The following LRRC4C variants were observed in gnomAD, a reference collection of about 807,000 sequenced individuals.
LRRC4C encodes the protein leucine-rich repeat-containing protein 4C.
A neutral mutation model predicts 33.6 loss-of-function variants in LRRC4C; 5 were observed. The ratio of observed to expected loss-of-function variants is 0.15; its 90% confidence interval spans 0.08 to 0.31. The LOEUF is 0.31. Ranked by LOEUF, LRRC4C falls within the 10% of genes least tolerant of loss-of-function variation. The probability of loss-of-function intolerance (pLI) is 1.00; values close to 1 mark genes in which losing one functional copy is unlikely to be tolerated. For synonymous variants in LRRC4C, 329 were observed against 302.0 expected, an observed-to-expected ratio of 1.09 and a Z score of -0.93; for missense variants, 560 against 796.7, an observed-to-expected ratio of 0.70 and a Z score of 3.58.
chr11:40,761,795 C>T (rs764528692), intron 2 of LRRC4C, among the ~76,000 whole-genome samples: 3 of 152,154 alleles, frequency 2.0e-5, no homozygotes, highest in Non-Finnish European at 2.9e-5. Flanking sequence ...AACAGTACTG[C>T]GGTTCTGTCT....
intron 1 of LRRC4C, among the ~76,000 whole-genome samples, chr11:40,964,933 G>A (rs1409484268): frequency 6.6e-6 from 1 of 152,070 alleles, no homozygotes; most frequent in Non-Finnish European, 1.5e-5. Context: ...CTAGATCCCT[G>A]AGGAATCACC....
chr11:40,564,458 A>C (rs533342079), intron 3 of LRRC4C, among the ~76,000 whole-genome samples: 1 of 152,116 alleles, frequency 6.6e-6, no homozygotes, highest in Non-Finnish European at 1.5e-5. Context: ...GAGCACCCAA[A>C]TTACCAAGAG....
At chr11:40,832,238 A>G (rs771653669) in intron 2 of LRRC4C, among the ~76,000 whole-genome samples, 33 of 152,170 alleles carry the variant, frequency 2.2e-4, no homozygotes, top group Non-Finnish European at 4.3e-4. Context: ...AAAAAGATAC[A>G]GTAAAAATAC....
intron 1 of LRRC4C, among the ~76,000 whole-genome samples, chr11:41,404,041 G>A (rs537183859): frequency 3.4e-4 from 51 of 152,198 alleles, no homozygotes; most frequent in African/African-American, 1.1e-3. Context: ...ATAAAACACA[G>A]TTGAGAAGTA....
chr11:41,089,729 TTTTA>T (rs1940266339), intron 1 of LRRC4C, among the ~76,000 whole-genome samples: 4 of 152,108 alleles, frequency 2.6e-5, no homozygotes, highest in African/African-American at 9.7e-5. Context: ...GGTGATGTAT[TTTTA>T]GCTATTTCTT....
intron 3 of LRRC4C, among the ~76,000 whole-genome samples, chr11:40,451,365 ACTTTTTTTTTTTT>A: frequency 1.4e-5 from 1 of 71,246 alleles, no homozygotes; most frequent in Non-Finnish European, 2.9e-5. Context: ...AGAAATAATG[ACTTTTTTTTTTTT>A]TTTTTTTTTT....
intron 1 of LRRC4C, among the ~76,000 whole-genome samples, chr11:41,214,774 T>TAC (rs1555112919): frequency 4.9e-5 from 7 of 143,388 alleles, no homozygotes; most frequent in African/African-American, 1.1e-4. Flanking sequence ...TATATATATA[T>TAC]ACACACATAT....
intron 1 of LRRC4C, among the ~76,000 whole-genome samples, chr11:41,003,023 T>C (rs1854494865): frequency 6.6e-6 from 1 of 152,162 alleles, no homozygotes; most frequent in African/African-American, 2.4e-5. Context: ...ATAGTTATCA[T>C]AGTTAAATAT....
At chr11:40,984,893 C>CTATTTTTTTTTTTTTTCTT (rs1852880125) in intron 1 of LRRC4C, among the ~76,000 whole-genome samples, 1 of 52,246 alleles carries the variant, frequency 1.9e-5, no homozygotes, top group South Asian at 8.4e-4. Context: ...CTCACTGACA[C>CTATTTTTTTTTTTTTTCTT]TTTTTTTTTT....
chr11:41,184,973 C>G (rs1312546997), intron 1 of LRRC4C, among the ~76,000 whole-genome samples: 2 of 152,022 alleles, frequency 1.3e-5, no homozygotes, highest in Admixed American at 6.6e-5. Flanking sequence ...GGGAAACTAC[C>G]ATTTTTTAAA....
chr11:40,384,982 TG>T (rs1393309688), intron 3 of LRRC4C, among the ~76,000 whole-genome samples: 8 of 152,232 alleles, frequency 5.3e-5, no homozygotes, highest in Non-Finnish European at 1.2e-4. Context: ...TGCATATTTT[TG>T]TATTGTTTTG....
intron 5 of LRRC4C, among the ~76,000 whole-genome samples, chr11:40,169,299 A>C (rs1859850468): frequency 6.6e-6 from 1 of 152,176 alleles, no homozygotes; most frequent in Non-Finnish European, 1.5e-5. Flanking sequence ...TTTCAACATT[A>C]TTCTATCAGG....
intron 1 of LRRC4C, among the ~76,000 whole-genome samples, chr11:41,434,878 C>G (rs1955373301): frequency 6.6e-6 from 1 of 152,160 alleles, no homozygotes; most frequent in Admixed American, 6.6e-5. Context: ...AATACTCTTT[C>G]TATTCTTGCC....
chr11:40,631,023 C>T (rs570111993), intron 3 of LRRC4C, among the ~76,000 whole-genome samples: 1 of 152,040 alleles, frequency 6.6e-6, no homozygotes, highest in Non-Finnish European at 1.5e-5. Context: ...TCAAAGTTAG[C>T]CCTTTTAAAA....
In LRRC4C at chr11:40,906,525, GACAA is replaced by G. The variant is rs113656683; in HGVS notation, c.-407+27106_-407+27109del. Among the ~76,000 whole-genome samples, 771 of 152,016 alleles carry G rather than the reference GACAA, an allele frequency of 5.1e-3. 3 individuals carry two copies. The highest frequency in any genetic ancestry group is 8.7e-3 in the Non-Finnish European group (590 of 67,952). The stretch of plus-strand genomic sequence containing the variant: ...GACTCCATCTCAAAACAAACAAACA[GACAA>G]ACAAACAAACAAACAAACCTACATA... On this transcript the variant is annotated intron_variant, in intron 2 of 6. Coordinates refer to ENST00000528697, the MANE Select transcript of LRRC4C (RefSeq NM_001258419.2).
intron 1 of LRRC4C, among the ~76,000 whole-genome samples, chr11:41,111,430 C>T (rs1481616053): frequency 1.3e-5 from 2 of 152,004 alleles, no homozygotes; most frequent in East Asian, 1.9e-4. Flanking sequence ...TCATAACCAC[C>T]GCTCTGTACT....
In LRRC4C at chr11:41,266,179, A is replaced by G. The variant is rs571863664; in HGVS notation, c.-496+193252T>C. 1.3e-4 allele frequency among the ~76,000 whole-genome samples: 20 copies of G among 152,228 alleles called. No individual in the cohort carries two copies. In the Middle Eastern group the frequency reaches 0.01, roughly 78 times the overall value. On this transcript the variant is annotated intron_variant, in intron 1 of 6. Coordinates refer to ENST00000528697, the MANE Select transcript of LRRC4C (RefSeq NM_001258419.2). ...CCAACAATGAAGAAATAAATGATAT[A>G]AATAGACTTAGAACATGGAAATTTG...
chr11:41,059,730 A>T (rs968663660), intron 1 of LRRC4C, among the ~76,000 whole-genome samples: 2 of 152,100 alleles, frequency 1.3e-5, no homozygotes, highest in Admixed American at 1.3e-4. Context: ...AGTGGACTGA[A>T]AGTTTGTTAG....
At chr11:40,780,899 G>T (rs533333071) in intron 2 of LRRC4C, among the ~76,000 whole-genome samples, 1 of 151,938 alleles carries the variant, frequency 6.6e-6, no homozygotes, top group African/African-American at 2.4e-5. Flanking sequence ...AAGAAAAAGG[G>T]ATCAGTGAAA....
Sources: allele counts gnomAD v4.1 joint callset (sites outside exome capture counted in the v4.1 genomes callset), GRCh38; gene constraint gnomAD v4.1.1; transcripts MANE v1.5; gene names NCBI Gene and HGNC (gene_info 2026-07-23, HGNC 2026-07-21).